FKBP10: variants seen among roughly 807,000 people sequenced by gnomAD.
FKBP10 encodes FKBP prolyl isomerase 10, also known as peptidyl-prolyl cis-trans isomerase FKBP10.
FKBP10 carries 34 observed loss-of-function variants against 53.7 expected under a neutral mutation model. The observed-to-expected ratio is 0.63, with a 90% CI of 0.48 to 0.84. FKBP10 has a LOEUF of 0.84. Among genes scored for constraint, FKBP10 ranks in the 40% least tolerant of loss-of-function variants. The probability of loss-of-function intolerance (pLI) is 0.00; values close to 1 mark genes in which losing one functional copy is unlikely to be tolerated. For missense variants in FKBP10, 748 were observed against 797.8 expected (o/e 0.94, Z 0.75); for synonymous variants, 324 against 335.7 (o/e 0.97, Z 0.38).
rs374733070 is a variant in FKBP10, at chr17:41,822,214, C to T, written c.1564-9C>T. ...CACTGCCCGCTCCCCCGGCTCTCCC[C>T]TGCCCCAGTTCTCCACCTTCATCAA... is the stretch of plus-strand genomic sequence containing the variant. On this transcript the variant is annotated splice_polypyrimidine_tract_variant and intron_variant, in intron 9 of 9. Coordinates refer to ENST00000321562, the MANE Select transcript of FKBP10 (RefSeq NM_021939.4). The T allele has an allele frequency of 1.9e-5, 30 of 1,610,780 alleles. No individual in the cohort carries two copies. In the African/African-American group the frequency reaches 2.7e-4, roughly 14 times the overall value.
Position 41,813,217 on chromosome 17 carries a change from G to A in FKBP10, c.183G>A (p.Met61Ile). 2.5e-6 allele frequency: 4 copies of A among 1,613,668 alleles called. No homozygotes were observed. The highest frequency in any genetic ancestry group is 3.4e-6 in the Non-Finnish European group (4 of 1,179,988). ...IPRACPREVQMGDFVRYHYNG... is the reference protein window; with the variant it reads ...IPRACPREVQIGDFVRYHYNG... ...GGGCCTGTCCCCGGGAAGTGCAGAT[G>A]GGGGATTTTGTGCGCTACCACTACA... The change falls in exon 1 of 10, where the codon ATG (methionine) becomes ATA (isoleucine). Residue 61 changes from methionine (M) to isoleucine (I), a missense_variant. Transcript: ENST00000321562.
rs571495267 is a variant in FKBP10, at chr17:41,821,510, A to G, written c.1400-144A>G. 8.0e-6 allele frequency: 8 copies of G among 998,726 alleles called. No individual in the cohort carries two copies. The South Asian group carries it at 9.9e-5, about 12-fold the overall frequency. The allele number at this position is 998,726 out of a possible 1,614,324, so 61.9% of individuals were successfully genotyped here. On this transcript the variant is annotated intron_variant, in intron 8 of 9. Coordinates refer to ENST00000321562, the MANE Select transcript of FKBP10 (RefSeq NM_021939.4). ...GGTGGGAGGAGTCAGGAATGCCTTC[A>G]GGATGGCTCCTTAAACATCCCATGC...
intron 4 of FKBP10, chr17:41,818,741 G>A: frequency 1.7e-6 from 1 of 591,002 alleles, no homozygotes; most frequent in South Asian, 1.9e-5. Context: ...GCCAAGGCGG[G>A]AGGATCACGA....
At chr17:41,819,945 G>T (rs2047869111) in intron 6 of FKBP10, 2 of 1,533,992 alleles carry the variant, frequency 1.3e-6, no homozygotes, top group African/African-American at 1.4e-5. Flanking sequence ...AACAGAACCA[G>T]CATACCCCCA....
chr17:41,821,028 G>A lies in FKBP10; in HGVS notation c.1338G>A (p.Met446Ile). The stretch of plus-strand genomic sequence containing the variant: ...GCCTGGACACGGGCCTGCAGGGCAT[G>A]TGTGTGGGAGAGAGGCGGCAGCTCA... ...IEGLDTGLQG[M>I]CVGERRQLIV... The change falls in exon 8 of 10, where the codon ATG becomes ATA. Residue 446 changes from methionine to isoleucine, a missense_variant. Physicochemically the swap from Met to Ile is conservative, Grantham distance 10 (BLOSUM62 1). Coordinates refer to ENST00000321562, the MANE Select transcript of FKBP10 (RefSeq NM_021939.4). 6.3e-7 allele frequency: 1 copy of A among 1,599,386 alleles called. No homozygotes were observed.
At chr17:41,820,798 TG>T in intron 7 of FKBP10, 148 bp from the exon 8 acceptor site, 1 of 1,132,236 alleles carries the variant, frequency 8.8e-7, no homozygotes, top group Non-Finnish European at 1.2e-6. Context: ...TCTGCACAGC[TG>T]GGCCCCTGCA....
chr17:41,813,427 G>A (rs1021173589), intron 1 of FKBP10, 148 bp downstream of exon 1: 1 of 1,008,240 alleles, frequency 9.9e-7, no homozygotes, highest in Non-Finnish European at 1.5e-6. Flanking sequence ...TCTCCCCAAA[G>A]ATACCCTCCT....
At position 41,813,236 on chromosome 17, in the gene FKBP10, C is replaced by CAA; in HGVS notation, c.203_204insAA (p.His68GlnfsTer92). 1 of 1,613,782 alleles carries CAA rather than the reference C, an allele frequency of 6.2e-7. No homozygotes were observed. Among genetic ancestry groups the CAA allele is most frequent in the Middle Eastern group, 1.6e-4 (1 of 6,062 alleles). ...GCAGATGGGGGATTTTGTGCGCTAC[C>CAA]ACTACAACGGCACTTTTGAAGATGG... On this transcript the variant is annotated frameshift_variant, in exon 1 of 10. Transcript: ENST00000321562. LOFTEE classifies it high-confidence loss of function.
rs1597911460 is a variant in FKBP10, at chr17:41,822,669, G to C, written c.*261G>C. 1 of 533,824 alleles carries C rather than the reference G, an allele frequency of 1.9e-6. No individual in the cohort carries two copies. Among genetic ancestry groups the C allele is most frequent in the Non-Finnish European group, 3.4e-6 (1 of 295,302 alleles). The allele number at this position is 533,824 out of a possible 1,614,324, so 33.1% of individuals were successfully genotyped here. On this transcript the variant is annotated 3_prime_UTR_variant, in exon 10 of 10. Transcript: ENST00000321562. ...GATTTGCAAAGCCAATTTGGGGCCT[G>C]TGGAGCCTGGGGTTGGATAGGGCCA... is the stretch of plus-strand genomic sequence containing the variant.
Position 41,821,734 on chromosome 17 carries a change from C to A in FKBP10, c.1480C>A (p.Leu494Met). The change falls in exon 9 of 10, where the codon CTG (leucine) becomes ATG (methionine). Residue 494 changes from leucine to methionine, a missense_variant. Transcript: ENST00000321562. The part of the protein sequence containing the change: ...SREDGLPTGY[L>M]FVWHKDPPAN... The stretch of plus-strand genomic sequence containing the variant: ...GGAGGATGGGCTGCCCACAGGCTAC[C>A]TGTTTGTGTGGCACAAGGACCCTCC... The A allele has an allele frequency of 6.2e-7, 1 of 1,614,164 alleles. No individual in the cohort carries two copies. Among genetic ancestry groups the A allele is most frequent in the Non-Finnish European group, 8.5e-7 (1 of 1,180,026 alleles).
intron 1 of FKBP10, among the ~76,000 whole-genome samples, chr17:41,813,772 G>T (rs1555615779): frequency 1.3e-5 from 2 of 152,140 alleles, no homozygotes; most frequent in African/African-American, 2.4e-5. Context: ...GTTTTCAGCG[G>T]CTGGTGGGCA....
chr17:41,815,048 G>C (rs2047797177), intron 1 of FKBP10, among the ~76,000 whole-genome samples: 1 of 152,194 alleles, frequency 6.6e-6, no homozygotes, highest in African/African-American at 2.4e-5. Flanking sequence ...CTCCCGAGTA[G>C]CTGGGATTAC....
At chr17:41,814,446 C>A (rs1555615851) in intron 1 of FKBP10, among the ~76,000 whole-genome samples, 1 of 152,222 alleles carries the variant, frequency 6.6e-6, no homozygotes, top group African/African-American at 2.4e-5. Flanking sequence ...CAGGGCCTGG[C>A]AGTCCTCCAG....
At chr17:41,813,315 C>T (rs782665971) in intron 1 of FKBP10, 36 bp downstream of exon 1, 2 of 1,612,772 alleles carry the variant, frequency 1.2e-6, no homozygotes, top group Middle Eastern at 1.7e-4. Flanking sequence ...TTCACCACTC[C>T]GTCCCCTGAA....
chr17:41,816,652 G>A (rs1179368110), intron 1 of FKBP10, among the ~76,000 whole-genome samples: 8 of 152,158 alleles, frequency 5.3e-5, no homozygotes, highest in Non-Finnish European at 1.0e-4. Flanking sequence ...CCACCTCACA[G>A]GGGAGACAAA....
In FKBP10 at chr17:41,822,310, T is replaced by C; in HGVS notation, c.1651T>C (p.Phe551Leu). The change falls in exon 10 of 10, where the codon TTC (phenylalanine) becomes CTC (leucine). Residue 551 changes from phenylalanine to leucine, a missense_variant. Coordinates refer to ENST00000321562, the MANE Select transcript of FKBP10 (RefSeq NM_021939.4). ...QDPEKTIGDMFQNQDRNQDGK... is the reference protein window; with the variant it reads ...QDPEKTIGDMLQNQDRNQDGK... ...CCCTGAGAAAACCATAGGAGACATGTTCCAGAACCAGGACCGCAACCAGGA... is the reference window on the plus strand; with the variant it reads ...CCCTGAGAAAACCATAGGAGACATGCTCCAGAACCAGGACCGCAACCAGGA... 2 of 1,613,876 alleles carry C rather than the reference T, an allele frequency of 1.2e-6. No individual in the cohort carries two copies. Among genetic ancestry groups the C allele is most frequent in the Non-Finnish European group, 1.7e-6 (2 of 1,179,940 alleles).
At chr17:41,815,957 G>A (rs1487828319) in intron 1 of FKBP10, among the ~76,000 whole-genome samples, 3 of 151,342 alleles carry the variant, frequency 2.0e-5, no homozygotes, top group South Asian at 2.1e-4. Context: ...GCAACATGGC[G>A]AAAGCCCTCT....
In FKBP10 at chr17:41,822,899, A is replaced by G. The variant is rs1164844753; in HGVS notation, c.*491A>G. 3 of 241,756 alleles carry G rather than the reference A, an allele frequency of 1.2e-5. No homozygotes were observed. The highest frequency in any genetic ancestry group is 6.7e-5 in the African/African-American group (3 of 44,700). 15.0% of individuals were successfully genotyped at this position (241,756 alleles called of 1,614,324 possible). A position where few individuals can be genotyped will look rare whatever the true frequency, so the allele number is the denominator to read the frequency against. ...GGGAAGGGGAAGGCTCCTGGAGGGCAGCCCTACCTCTCCCATGCCCTTTGC... is the reference window on the plus strand; with the variant it reads ...GGGAAGGGGAAGGCTCCTGGAGGGCGGCCCTACCTCTCCCATGCCCTTTGC... On this transcript the variant is annotated 3_prime_UTR_variant, in exon 10 of 10. Coordinates refer to ENST00000321562, the MANE Select transcript of FKBP10 (RefSeq NM_021939.4).
chr17:41,814,693 A>G (rs9903352), intron 1 of FKBP10, among the ~76,000 whole-genome samples: 14,555 of 152,132 alleles, frequency 0.096, 816 homozygotes, highest in African/African-American at 0.12. Context: ...AGGGGATGTC[A>G]TCCCTGATGG....
Sources: gnomAD v4.1 joint callset for allele counts (sites outside exome capture counted in the v4.1 genomes callset) on GRCh38, gnomAD v4.1.1 for gene constraint, MANE v1.5 for transcripts, NCBI Gene and HGNC (gene_info 2026-07-23, HGNC 2026-07-21) for gene names.